The following UNC13C variants were observed in gnomAD, a reference collection of about 807,000 sequenced individuals.
The protein encoded by UNC13C is protein unc-13 homolog C.
In UNC13C, 174 loss-of-function variants were observed where a neutral mutation model predicts 245.4. The ratio of observed to expected loss-of-function variants is 0.71; its 90% CI spans 0.63 to 0.80. The LOEUF is 0.80. Ranked by LOEUF, UNC13C falls within the 30% of genes least tolerant of loss-of-function variation. The probability of loss-of-function intolerance (pLI) is 0.00; values close to 1 mark genes in which losing one functional copy is unlikely to be tolerated. For synonymous variants in UNC13C, 992 were observed against 895.1 expected (o/e 1.11, Z -1.93); for missense variants, 2,829 against 2,602.9 (o/e 1.09, Z -1.89).
chr15:53,859,696 G>A, the UNC13C span, among the ~76,000 whole-genome samples: 2 of 152,108 alleles, frequency 1.3e-5, no homozygotes, highest in Admixed American at 1.3e-4. Context: ...CCCGTATTCA[G>A]AAAACTTCAT....
chr15:54,103,662 T>A (rs528332868), intron 2 of UNC13C, among the ~76,000 whole-genome samples: 2 of 152,334 alleles, frequency 1.3e-5, no homozygotes, highest in South Asian at 2.1e-4. Context: ...TGTCATTATT[T>A]TTTTTTCTAC....
chr15:54,240,634 A>G (rs1168123768), intron 7 of UNC13C, among the ~76,000 whole-genome samples: 1 of 152,190 alleles, frequency 6.6e-6, no homozygotes, highest in African/African-American at 2.4e-5. Flanking sequence ...AAGCATCGCC[A>G]GTGCCCCCAT....
At chr15:54,045,957 T>C (rs1415105063) in intron 2 of UNC13C, among the ~76,000 whole-genome samples, 3 of 152,206 alleles carry the variant, frequency 2.0e-5, no homozygotes, top group Non-Finnish European at 4.4e-5. Flanking sequence ...AAATTTATTG[T>C]AGTATCAGTA....
chr15:54,622,709 A>C (rs1900873037), intron 31 of UNC13C, among the ~76,000 whole-genome samples: 1 of 152,144 alleles, frequency 6.6e-6, no homozygotes, highest in African/African-American at 2.4e-5. Context: ...GAACACTTGC[A>C]CTTTAAATAT....
chr15:54,317,253 T>G (rs902581264), intron 13 of UNC13C, among the ~76,000 whole-genome samples: 20 of 151,952 alleles, frequency 1.3e-4, no homozygotes, highest in African/African-American at 4.3e-4. Context: ...TAACATATGT[T>G]AGCACTAATG....
At chr15:53,884,173 A>G in the UNC13C span, among the ~76,000 whole-genome samples, 2 of 152,158 alleles carry the variant, frequency 1.3e-5, no homozygotes, top group Admixed American at 6.5e-5. Flanking sequence ...TTAACTATAC[A>G]ATCCTGTTAT....
At chr15:54,383,718 G>T (rs1159734650) in intron 17 of UNC13C, among the ~76,000 whole-genome samples, 2 of 152,068 alleles carry the variant, frequency 1.3e-5, no homozygotes, top group African/African-American at 4.8e-5. Flanking sequence ...TTAGAAGAGA[G>T]TCAAACTGTC....
At chr15:54,358,189 T>G (rs2039141482) in intron 17 of UNC13C, among the ~76,000 whole-genome samples, 1 of 152,082 alleles carries the variant, frequency 6.6e-6, no homozygotes, top group Admixed American at 6.6e-5. Flanking sequence ...TGTCTGTTTT[T>G]ATGCCATTAC....
In UNC13C at chr15:54,331,514, A is replaced by AT. The variant is rs142801862; in HGVS notation, c.4426-528dup. Among the ~76,000 whole-genome samples the AT allele has an allele frequency of 4.0e-3, 613 of 152,212 alleles. 27 individuals are homozygous for AT. The East Asian group carries it at 0.086, about 21-fold the overall frequency. ...CTTTAAAAGCAATTGATCCTTTCAG[A>AT]TATGAAGTCTGCATTTGCTTCCAAA... On this transcript the variant is annotated intron_variant, in intron 14 of 32. Coordinates refer to ENST00000260323, the MANE Select transcript of UNC13C (RefSeq NM_001080534.3).
intron 4 of UNC13C, among the ~76,000 whole-genome samples, chr15:54,161,355 A>G (rs1567058777): frequency 1.3e-5 from 2 of 151,960 alleles, no homozygotes; most frequent in Non-Finnish European, 2.9e-5. Flanking sequence ...TATGTTAGTC[A>G]TAAAGCCATT....
chr15:54,167,427 G>T (rs1410648373), intron 4 of UNC13C, among the ~76,000 whole-genome samples: 5 of 150,000 alleles, frequency 3.3e-5, no homozygotes, highest in Non-Finnish European at 7.4e-5. Flanking sequence ...GCGTGAACCC[G>T]GGAGGCGGAG....
At chr15:54,324,199 T>A (rs990823045) in intron 14 of UNC13C, among the ~76,000 whole-genome samples, 3 of 152,054 alleles carry the variant, frequency 2.0e-5, no homozygotes, top group African/African-American at 7.2e-5. Context: ...ATGAGTCAAA[T>A]ATACCTAAGT....
intron 10 of UNC13C, among the ~76,000 whole-genome samples, chr15:54,286,348 G>C (rs1448286864): frequency 6.6e-6 from 1 of 152,120 alleles, no homozygotes; most frequent in African/African-American, 2.4e-5. Context: ...TTCTGGTATA[G>C]TTGCAGTGTG....
intron 17 of UNC13C, among the ~76,000 whole-genome samples, chr15:54,353,535 C>T (rs1000763408): frequency 5.3e-5 from 8 of 152,110 alleles, no homozygotes; most frequent in Admixed American, 2.6e-4. Context: ...TTCATCGCAG[C>T]GAAGAGGTAC....
Position 54,300,213 on chromosome 15 carries a change from C to A in UNC13C, c.4108C>A (p.Leu1370Met). ...HIQYTCLHEN[L>M]FHYLTEVKSN... The stretch of plus-strand genomic sequence containing the variant: ...ATTAAAAACCACTTGCTTTTAGAAT[C>A]TGTTCCATTACTTGACTGAAGTGAA... Residue 1370 changes from leucine to methionine, a missense_variant, in exon 13 of 33, where the codon CTG (leucine) becomes ATG (methionine). Transcript: ENST00000260323. The A allele has an allele frequency of 6.3e-7, 1 of 1,597,928 alleles. No individual in the cohort carries two copies. The highest frequency in any genetic ancestry group is 8.5e-7 in the Non-Finnish European group (1 of 1,171,466).
intron 32 of UNC13C, among the ~76,000 whole-genome samples, chr15:54,625,098 C>T (rs1355106585): frequency 1.3e-5 from 2 of 152,038 alleles, no homozygotes; most frequent in Non-Finnish European, 2.9e-5. Flanking sequence ...GAAATGTATA[C>T]TTGAATGTAT....
chr15:54,390,840 C>T (rs1229559632), intron 17 of UNC13C, among the ~76,000 whole-genome samples: 6 of 151,970 alleles, frequency 3.9e-5, no homozygotes, highest in Admixed American at 3.9e-4. Context: ...CCAGATGAGA[C>T]CTCATCCTTT....
At chr15:53,845,168 A>G in the UNC13C span, among the ~76,000 whole-genome samples, 2 of 151,938 alleles carry the variant, frequency 1.3e-5, no homozygotes, top group African/African-American at 2.4e-5. Flanking sequence ...TACTAAAAAT[A>G]TAAAAATTAG....
chr15:53,930,620 C>T, the UNC13C span, among the ~76,000 whole-genome samples: 1 of 152,170 alleles, frequency 6.6e-6, no homozygotes, highest in Non-Finnish European at 1.5e-5. Flanking sequence ...TCTGTCTGTG[C>T]TGGGAAAAAT....
Sources: gnomAD v4.1 joint callset for allele counts (sites outside exome capture counted in the v4.1 genomes callset) on GRCh38, gnomAD v4.1.1 for gene constraint, MANE v1.5 for transcripts, NCBI Gene and HGNC (gene_info 2026-07-23, HGNC 2026-07-21) for gene names.